Variants in CRAT observed in about 807,000 individuals in gnomAD.
CRAT encodes the protein carnitine O-acetyltransferase, also known as carnitine acetylase.
In CRAT, 66 loss-of-function variants were observed where a neutral mutation model predicts 73.7. That is an observed-to-expected ratio of 0.90 (90% confidence interval 0.73 to 1.10). The LOEUF is 1.10. Among genes scored for constraint, CRAT ranks in the 50% least tolerant of loss-of-function variants. The probability of loss-of-function intolerance (pLI) is 0.00; values close to 1 mark genes in which losing one functional copy is unlikely to be tolerated. For missense variants in CRAT, 745 were observed against 846.9 expected, an observed-to-expected ratio of 0.88 and a Z score of 1.49; for synonymous variants, 321 against 343.2, an observed-to-expected ratio of 0.94 and a Z score of 0.71.
In CRAT at chr9:129,095,188, C is replaced by T. The variant is rs564381366; in HGVS notation, c.*209G>A. On this transcript the variant is annotated 3_prime_UTR_variant, in exon 14 of 14. Coordinates refer to ENST00000318080, the MANE Select transcript of CRAT (RefSeq NM_000755.5). Reference sequence around the variant, plus strand: ...TCAGCCTCTGCACTCAGCCCCAGGTCGGGCCCTGGCAGGTGCTGGGATGAC... The same window carrying T: ...TCAGCCTCTGCACTCAGCCCCAGGTTGGGCCCTGGCAGGTGCTGGGATGAC... 3.3e-5 allele frequency: 20 copies of T among 610,026 alleles called. No homozygotes were observed. Among genetic ancestry groups the T allele is most frequent in the Non-Finnish European group, 4.9e-5 (17 of 348,134 alleles). The allele number at this position is 610,026 out of a possible 1,614,324, so 37.8% of individuals were successfully genotyped here.
rs751177679 is a variant in CRAT, at chr9:129,100,701, A to T, written c.806-12T>A. On this transcript the variant is annotated splice_polypyrimidine_tract_variant and intron_variant, in intron 6 of 13. Transcript: ENST00000318080. ...CCGGTTCACCTTGTCTGCAGGTGGC[A>T]TGGGGCGGGGAGACGCAAAATGGGG... The T allele has an allele frequency of 1.9e-6, 3 of 1,611,286 alleles. No individual in the cohort carries two copies. In the South Asian group the frequency reaches 3.3e-5, roughly 18 times the overall value.
chr9:129,103,056 T>C lies in CRAT; in HGVS notation c.421A>G (p.Lys141Glu). ...AAATCCAACACACCCTCAATGAGTTTGGCAGCAAATCTGGAAAGATTGATT... is the reference window on the plus strand; with the variant it reads ...AAATCCAACACACCCTCAATGAGTTCGGCAGCAAATCTGGAAAGATTGATT... ...DLQGQLRFAAKLIEGVLDFKV... is the reference protein window; with the variant it reads ...DLQGQLRFAAELIEGVLDFKV... Residue 141 changes from lysine to glutamate, a missense_variant, in exon 4 of 14, where the codon AAA becomes GAA. Transcript: ENST00000318080. This position sits in a 1 kb window ranked among gnomAD's most constrained non-coding sequence, Gnocchi z 4.6. The C allele has an allele frequency of 6.2e-7, 1 of 1,614,138 alleles. No individual in the cohort carries two copies. The highest frequency in any genetic ancestry group is 8.5e-7 in the Non-Finnish European group (1 of 1,179,974).
Position 129,098,388 on chromosome 9 carries a change from A to G in CRAT, c.1206-17T>C. On this transcript the variant is annotated splice_polypyrimidine_tract_variant and intron_variant, in intron 9 of 13. Coordinates refer to ENST00000318080, the MANE Select transcript of CRAT (RefSeq NM_000755.5). ...TGGATCATGCTGGGGGTGTGGGAAG[A>G]GCAGGTGAGGAGCAGGCCCCGGCAG... The G allele has an allele frequency of 2.5e-6, 4 of 1,612,664 alleles. No homozygotes were observed. The highest frequency in any genetic ancestry group is 3.4e-6 in the Non-Finnish European group (4 of 1,179,270).
rs1487226599 is a variant in CRAT at position 129,100,520 on chromosome 9, CTT to C, written c.973_974del (p.Lys325AspfsTer128). ...RLNSGNRWFD[K>X]TLQFIVAEDG... ...CCCTGCCGGGCCTCACCTGCAGCGT[CTT>C]GTCGAACCAGCGGTTGCCGCTGTTG... On this transcript the variant is annotated frameshift_variant, in exon 7 of 14. Transcript: ENST00000318080. LOFTEE classifies it high-confidence loss of function. 8.7e-6 allele frequency: 14 copies of C among 1,613,026 alleles called. No homozygotes were observed. Among genetic ancestry groups the C allele is most frequent in the Non-Finnish European group, 8.5e-7 (1 of 1,179,728 alleles).
intron 12 of CRAT, among the ~76,000 whole-genome samples, chr9:129,096,960 T>C (rs1847313101): frequency 6.6e-6 from 1 of 150,616 alleles, no homozygotes; most frequent in African/African-American, 2.4e-5. Context: ...CCCAGCTACT[T>C]GGGAGGCTGA....
rs1848056449 is a variant in CRAT, at chr9:129,106,971, G to T, written c.291+843C>A. On this transcript the variant is annotated intron_variant, in intron 2 of 13. Transcript: ENST00000318080. This position sits in a 1 kb window ranked among gnomAD's most constrained non-coding sequence, Gnocchi z 4.0. ...AGACCCAGGCTGCCACAGCTCCTTG[G>T]GGGTGATGTCACCCCTCCCCCTCGC... 3.3e-5 allele frequency among the ~76,000 whole-genome samples: 5 copies of T among 152,130 alleles called. No homozygotes were observed. The South Asian group carries it at 1.0e-3, about 32-fold the overall frequency.
At chr9:129,109,777 A>T (rs574324984) in intron 1 of CRAT, among the ~76,000 whole-genome samples, 5 of 152,204 alleles carry the variant, frequency 3.3e-5, no homozygotes, top group South Asian at 2.1e-4. Flanking sequence ...CACCAGCAAC[A>T]TATGCTTGGA....
At chr9:129,100,078 A>G (rs1289316067) in intron 7 of CRAT, 112 bp from the exon 8 acceptor site, 12 of 735,704 alleles carry the variant, frequency 1.6e-5, no homozygotes, top group Non-Finnish European at 2.5e-5. Context: ...TCAAGGGGCT[A>G]TGATGACTTA....
chr9:129,110,543 C>T lies in CRAT; in HGVS notation c.-34G>A, dbSNP rs1188517090. 3.8e-6 allele frequency: 6 copies of T among 1,568,462 alleles called. No individual in the cohort carries two copies. In the Admixed American group the frequency reaches 1.1e-4, roughly 28 times the overall value. ...CCCGTCCGCGGACACGCAGTCCGCT[C>T]CGCCCCACACACCGGGCAAAGTCCG... On this transcript the variant is annotated 5_prime_UTR_variant, in exon 1 of 14. Coordinates refer to ENST00000318080, the MANE Select transcript of CRAT (RefSeq NM_000755.5). The surrounding 1 kb of genome is among the most constrained non-coding windows in gnomAD (Gnocchi z 5.3).
Position 129,097,993 on chromosome 9 carries a change from C to A in CRAT, c.1464+20G>T. The A allele has an allele frequency of 6.2e-7, 1 of 1,609,672 alleles. No homozygotes were observed. Among genetic ancestry groups the A allele is most frequent in the Non-Finnish European group, 8.5e-7 (1 of 1,178,012 alleles). On this transcript the variant is annotated intron_variant, in intron 11 of 13. Coordinates refer to ENST00000318080, the MANE Select transcript of CRAT (RefSeq NM_000755.5). ...AGGGGCTCAGGCCCAGCTCACCCAC[C>A]CTCGCCCCAGACCTCTCACCGTGAC...
chr9:129,104,099 T>G, intron 3 of CRAT, 89 bp downstream of exon 3: 1 of 797,394 alleles, frequency 1.3e-6, no homozygotes, highest in Non-Finnish European at 2.0e-6. Flanking sequence ...GGCAGAAAGA[T>G]AAACAGGGTC....
chr9:129,097,751 A>G (rs1021030377), intron 11 of CRAT: 13 of 492,096 alleles, frequency 2.6e-5, no homozygotes, highest in African/African-American at 1.5e-4. Flanking sequence ...GCAACTACCA[A>G]CTCCTTGGTC....
rs754982271 is a variant in CRAT, at chr9:129,098,196, T to A, written c.1329-48A>T. 3.7e-6 allele frequency: 6 copies of A among 1,612,068 alleles called. No homozygotes were observed. In the African/African-American group the frequency reaches 8.0e-5, roughly 22 times the overall value. On this transcript the variant is annotated intron_variant, in intron 10 of 13. Coordinates refer to ENST00000318080, the MANE Select transcript of CRAT (RefSeq NM_000755.5). ...ACGCCCCTTGGAGGCGGGCACCCCC[T>A]CCCCTGCCCCCAGGTCTCCTCCCTC... is the stretch of plus-strand genomic sequence containing the variant.
chr9:129,101,373 G>A (rs1259778099), intron 6 of CRAT, among the ~76,000 whole-genome samples: 2 of 152,192 alleles, frequency 1.3e-5, no homozygotes, highest in African/African-American at 2.4e-5. Flanking sequence ...CCACGGAGGA[G>A]GAAAGCCTAC....
rs1455654153 is a variant in CRAT, at chr9:129,103,729, T to G, written c.410+459A>C. On this transcript the variant is annotated intron_variant, in intron 3 of 13. Coordinates refer to ENST00000318080, the MANE Select transcript of CRAT (RefSeq NM_000755.5). The surrounding 1 kb of genome is among the most constrained non-coding windows in gnomAD (Gnocchi z 4.6). ...GTGGTGGCAGCCAGTGGCTGGTCCT[T>G]GGGCAGGAGATCCTTGTCACTGGTA... Among the ~76,000 whole-genome samples the G allele has an allele frequency of 3.3e-5, 5 of 152,166 alleles. No individual in the cohort carries two copies. The highest frequency in any genetic ancestry group is 3.3e-4 in the Admixed American group (5 of 15,276).
At chr9:129,100,792 T>A in intron 6 of CRAT, 103 bp from the exon 7 acceptor site, 1 of 1,380,562 alleles carries the variant, frequency 7.2e-7, no homozygotes, top group Non-Finnish European at 9.8e-7. Context: ...TTCTGACCCA[T>A]TTGTACCTCT....
chr9:129,101,932 G>C lies in CRAT; in HGVS notation c.756C>G (p.Thr252=). The C allele has an allele frequency of 6.2e-7, 1 of 1,614,178 alleles. No homozygotes were observed. Among genetic ancestry groups the C allele is most frequent in the Non-Finnish European group, 8.5e-7 (1 of 1,180,026 alleles). Residue 252 remains threonine (T), a synonymous_variant, in exon 6 of 14, where the codon ACC becomes ACG. Coordinates refer to ENST00000318080, the MANE Select transcript of CRAT (RefSeq NM_000755.5). ...QTNKEPVGIL[T]SNHRNSWAKA... ...TGGCCCAGGAGTTGCGGTGGTTGGA[G>C]GTGAGGATGCCCACAGGCTCCTTGT... is the stretch of plus-strand genomic sequence containing the variant.
At position 129,106,796 on chromosome 9, in the gene CRAT, C is replaced by T. The variant is rs957531421; in HGVS notation, c.291+1018G>A. Among the ~76,000 whole-genome samples, 3 of 152,160 alleles carry T rather than the reference C, an allele frequency of 2.0e-5. No individual in the cohort carries two copies. Among genetic ancestry groups the T allele is most frequent in the African/African-American group, 7.2e-5 (3 of 41,426 alleles). On this transcript the variant is annotated intron_variant, in intron 2 of 13. Coordinates refer to ENST00000318080, the MANE Select transcript of CRAT (RefSeq NM_000755.5). This position sits in a 1 kb window ranked among gnomAD's most constrained non-coding sequence, Gnocchi z 4.0. ...ACACAGCATTTCCCAGGGCCGGACCCGCTCTGGCTCTCCCACAGGTAGCTT... is the reference window on the plus strand; with the variant it reads ...ACACAGCATTTCCCAGGGCCGGACCTGCTCTGGCTCTCCCACAGGTAGCTT...
chr9:129,099,752 AAC>A lies in CRAT; in HGVS notation c.1085+112_1085+113del, dbSNP rs60381342. The A allele has an allele frequency of 0.026, 22,264 of 853,352 alleles. 3,205 individuals are homozygous for A. In the African/African-American group the frequency reaches 0.32, roughly 12 times the overall value. The allele number at this position is 853,352 out of a possible 1,614,324, so 52.9% of individuals were successfully genotyped here. ...TATCTGGCTGGCTTCCTTGGAAAAA[AAC>A]AGATTCCCAGGCACAAAGGAGAGTG... On this transcript the variant is annotated intron_variant, in intron 8 of 13. Coordinates refer to ENST00000318080, the MANE Select transcript of CRAT (RefSeq NM_000755.5).
Sources: gnomAD v4.1 joint callset for allele counts (sites outside exome capture counted in the v4.1 genomes callset) on GRCh38, gnomAD v4.1.1 for gene constraint, Gnocchi (gnomAD v3.1) non-coding constraint, MANE v1.5 for transcripts, NCBI Gene and HGNC (gene_info 2026-07-23, HGNC 2026-07-21) for gene names.